ARHGAP6: variants seen among roughly 807,000 people sequenced by gnomAD.
ARHGAP6 encodes the protein rho GTPase-activating protein 6.
ARHGAP6 carries 16 observed loss-of-function variants against 55.7 expected under a neutral mutation model. That is an observed-to-expected ratio of 0.29 (90% confidence interval 0.19 to 0.44). ARHGAP6 has a LOEUF of 0.44. ARHGAP6 is among the 20% of genes least tolerant of loss of function. ARHGAP6 has a pLI of 1.00. For missense variants in ARHGAP6, 698 were observed against 808.9 expected (o/e 0.86, Z 1.66); for synonymous variants, 382 against 360.9 (o/e 1.06, Z -0.66).
chrX:11,406,497 A>ACT (rs2049610658), intron 1 of ARHGAP6, among the ~76,000 whole-genome samples: 2 of 111,114 alleles, frequency 1.8e-5, no homozygotes, highest in African/African-American at 6.6e-5. Context: ...CCACACACAC[A>ACT]CTCACACACA....
intron 1 of ARHGAP6, among the ~76,000 whole-genome samples, chrX:11,572,431 A>ATG (rs1381531886): frequency 9.1e-6 from 1 of 110,136 alleles, no homozygotes; most frequent in East Asian, 2.9e-4. Context: ...GAGTGAGAAC[A>ATG]CAAGGTGTTT....
At chrX:11,355,088 T>C (rs934515352) in intron 1 of ARHGAP6, among the ~76,000 whole-genome samples, 7 of 111,656 alleles carry the variant, frequency 6.3e-5, no homozygotes, top group Non-Finnish European at 1.3e-4. Context: ...AAGGAAGAGG[T>C]AGGATTTCTA....
At chrX:11,463,333 T>C (rs1293298869) in intron 1 of ARHGAP6, among the ~76,000 whole-genome samples, 2 of 111,926 alleles carry the variant, frequency 1.8e-5, no homozygotes, top group Non-Finnish European at 3.8e-5. Context: ...TTGTTGTTGT[T>C]GTTCTTTCAT....
At chrX:11,605,849 G>A (rs748201185) in intron 1 of ARHGAP6, among the ~76,000 whole-genome samples, 25 of 109,451 alleles carry the variant, frequency 2.3e-4, no homozygotes, top group Admixed American at 2.9e-4. Context: ...GTATGATCTC[G>A]GTAATGGGTA....
At chrX:11,329,408 G>A (rs752419513) in intron 1 of ARHGAP6, among the ~76,000 whole-genome samples, 105 of 112,158 alleles carry the variant, frequency 9.4e-4, no homozygotes, top group African/African-American at 3.1e-3. Flanking sequence ...ATTAGAAAAC[G>A]TCAAGCCATT....
intron 1 of ARHGAP6, among the ~76,000 whole-genome samples, chrX:11,265,481 AT>A (rs1398579911): frequency 8.9e-6 from 1 of 111,771 alleles, no homozygotes; most frequent in Non-Finnish European, 1.9e-5. Context: ...GAGTTTGCTC[AT>A]TTCAAGCTGC....
In ARHGAP6 at chrX:11,255,008, C is replaced by T. The variant is rs7056881; in HGVS notation, c.589-301G>A. ...TCCTACTTCCTCCTTTTTATGGGAA[C>T]ACATGGGAACTTCTAACTTTTGTGA... On this transcript the variant is annotated intron_variant, in intron 1 of 12. Transcript: ENST00000337414. 5.1e-3 allele frequency among the ~76,000 whole-genome samples: 566 copies of T among 111,354 alleles called. 6 individuals are homozygous for T. The highest frequency in any genetic ancestry group is 0.018 in the African/African-American group (541 of 30,622).
chrX:11,310,957 T>C (rs1481443240), intron 1 of ARHGAP6, among the ~76,000 whole-genome samples: 2 of 112,187 alleles, frequency 1.8e-5, no homozygotes, highest in Non-Finnish European at 3.8e-5. Flanking sequence ...AGTTGGCATC[T>C]CCAAAGAGAT....
intron 1 of ARHGAP6, among the ~76,000 whole-genome samples, chrX:11,566,277 G>C (rs963008560): frequency 9.8e-5 from 11 of 112,086 alleles, no homozygotes; most frequent in Non-Finnish European, 3.8e-5. Context: ...TGTTCATTTT[G>C]TAAAATAATG....
intron 10 of ARHGAP6, among the ~76,000 whole-genome samples, chrX:11,153,492 T>C (rs1341239628): frequency 1.2e-5 from 1 of 81,285 alleles, no homozygotes; most frequent in Non-Finnish European, 2.2e-5. Context: ...GCCACTGTAC[T>C]CCAGCCTGGG....
chrX:11,276,708 A>G (rs1228066448), intron 1 of ARHGAP6, among the ~76,000 whole-genome samples: 1 of 112,089 alleles, frequency 8.9e-6, no homozygotes, highest in African/African-American at 3.2e-5. Flanking sequence ...TTTTTCAAAA[A>G]TGTTTTCTCC....
intron 12 of ARHGAP6, among the ~76,000 whole-genome samples, chrX:11,141,904 G>T (rs1401910257): frequency 1.8e-5 from 2 of 112,367 alleles, no homozygotes; most frequent in African/African-American, 6.5e-5. Flanking sequence ...CTTAGTATTG[G>T]TTTGTAAGCT....
At chrX:11,495,125 G>A (rs193039779) in intron 1 of ARHGAP6, among the ~76,000 whole-genome samples, 168 of 111,868 alleles carry the variant, frequency 1.5e-3, no homozygotes, top group Non-Finnish European at 2.6e-3. Context: ...ACATCATAGC[G>A]CACTATATGA....
In ARHGAP6 at chrX:11,202,928, T is replaced by G. The variant is rs746146742; in HGVS notation, c.749-5932A>C. On this transcript the variant is annotated intron_variant, in intron 2 of 12. Coordinates refer to ENST00000337414, the MANE Select transcript of ARHGAP6 (RefSeq NM_013427.3). ...AGACTCTGGAAACAGACAGCCTTGTTCCAAATCTACTCCCTGACCCAAACC... is the reference window on the plus strand; with the variant it reads ...AGACTCTGGAAACAGACAGCCTTGTGCCAAATCTACTCCCTGACCCAAACC... 6.4e-5 allele frequency among the ~76,000 whole-genome samples: 7 copies of G among 108,831 alleles called. No individual in the cohort carries two copies. The East Asian group carries it at 2.0e-3, about 32-fold the overall frequency. The allele number at this position is 108,831 out of a possible 115,157, so 94.5% of individuals were successfully genotyped here.
chrX:11,152,197 G>A (rs763949131), intron 10 of ARHGAP6, among the ~76,000 whole-genome samples: 3 of 111,983 alleles, frequency 2.7e-5, no homozygotes, highest in South Asian at 3.7e-4. Flanking sequence ...CTAATAGACC[G>A]CATATATAAT....
intron 1 of ARHGAP6, among the ~76,000 whole-genome samples, chrX:11,612,398 T>A (rs1191870665): frequency 8.9e-6 from 1 of 111,920 alleles, no homozygotes; most frequent in Non-Finnish European, 1.9e-5. Context: ...TCTAAACAGC[T>A]GTTACCTGGG....
intron 1 of ARHGAP6, among the ~76,000 whole-genome samples, chrX:11,494,072 G>A (rs2050598830): frequency 1.8e-5 from 2 of 110,190 alleles, no homozygotes; most frequent in Admixed American, 1.9e-4. Context: ...TTACAGGGAT[G>A]GTGGCATCCT....
Position 11,186,356 on chromosome X carries a change from A to G in ARHGAP6, c.1153T>C (p.Leu385=). The G allele has an allele frequency of 3.3e-6, 4 of 1,211,424 alleles. No individual in the cohort carries two copies. The highest frequency in any genetic ancestry group is 4.5e-6 in the Non-Finnish European group (4 of 895,242). Residue 385 remains leucine, a synonymous_variant, in exon 5 of 13, where the codon TTG becomes CTG. Transcript: ENST00000337414. ...SRLLEALQLS[L]PAEAQSKKEK... Reference sequence around the variant, plus strand: ...TTTTTACTTTGAGCCTCAGCAGGCAAGGAAAGTTGTAAAGCTTCTAGTAGT... The same window carrying G: ...TTTTTACTTTGAGCCTCAGCAGGCAGGGAAAGTTGTAAAGCTTCTAGTAGT...
intron 9 of ARHGAP6, among the ~76,000 whole-genome samples, chrX:11,165,387 A>C (rs1015683737): frequency 2.7e-5 from 3 of 111,670 alleles, no homozygotes; most frequent in African/African-American, 9.8e-5. Context: ...GTAAGGGCCT[A>C]GGAGTATATA....
Sources: allele counts gnomAD v4.1 joint callset (sites outside exome capture counted in the v4.1 genomes callset), GRCh38; gene constraint gnomAD v4.1.1; transcripts MANE v1.5; gene names NCBI Gene and HGNC (gene_info 2026-07-23, HGNC 2026-07-21).